The following DSC2 variants were observed in gnomAD, a reference collection of about 807,000 sequenced individuals.
DSC2 encodes desmocollin 2, also known as desmocollin-2.
Under a neutral mutation model 87.6 loss-of-function variants are expected in DSC2, and 51 were observed. That is an observed-to-expected ratio of 0.58 (90% CI 0.46 to 0.74). The LOEUF (loss-of-function observed/expected upper bound fraction) is 0.74, where lower values mean the gene tolerates loss of function less well. Ranked by LOEUF, DSC2 falls within the 30% of genes least tolerant of loss-of-function variation. The pLI is 0.00. For synonymous variants in DSC2, 383 were observed against 393.2 expected (o/e 0.97, Z 0.31); for missense variants, 1,066 against 1,089.5 (o/e 0.98, Z 0.30).
chr18:31,087,795 T>C lies in DSC2; in HGVS notation c.649A>G (p.Thr217Ala). ...AGTTCTGGAGTATACCCATCTGGAG[T>C]TGTTGCAAAGGCAATTATCTGTGAA... ...ESFEIIAFATTPDGYTPELPL... is the reference protein window; with the variant it reads ...ESFEIIAFATAPDGYTPELPL... Residue 217 changes from threonine to alanine, a missense_variant, in exon 6 of 16, where the codon ACT becomes GCT. Thr to Ala is a moderately conservative substitution (Grantham distance 58). Transcript: ENST00000280904. 1 of 1,613,814 alleles carries C rather than the reference T, an allele frequency of 6.2e-7. No individual in the cohort carries two copies. Among genetic ancestry groups the C allele is most frequent in the Non-Finnish European group, 8.5e-7 (1 of 1,179,854 alleles).
chr18:31,100,212 C>A (rs933894974), intron 1 of DSC2, among the ~76,000 whole-genome samples: 5 of 152,126 alleles, frequency 3.3e-5, no homozygotes, highest in Non-Finnish European at 7.3e-5. Flanking sequence ...CCACTCCCCG[C>A]CTATCAAACT....
chr18:31,068,304 ATTGT>A (rs775380312), intron 15 of DSC2, 92 bp from the exon 16 acceptor site: 20 of 1,613,490 alleles, frequency 1.2e-5, no homozygotes, highest in Non-Finnish European at 1.7e-5. Flanking sequence ...TTTACCTTTC[ATTGT>A]TTAATTTTTA....
chr18:31,090,630 A>G (rs932594891), intron 4 of DSC2, among the ~76,000 whole-genome samples: 1 of 152,184 alleles, frequency 6.6e-6, no homozygotes, highest in Non-Finnish European at 1.5e-5. Context: ...GTGATTTCAG[A>G]TGTAGATTCA....
intron 14 of DSC2, among the ~76,000 whole-genome samples, chr18:31,070,322 TC>T: frequency 6.6e-6 from 1 of 152,194 alleles, no homozygotes; most frequent in Non-Finnish European, 1.5e-5. Flanking sequence ...TTAAAGTTCT[TC>T]CCACGATGAT....
At chr18:31,098,228 A>T (rs1987823901) in intron 1 of DSC2, among the ~76,000 whole-genome samples, 1 of 152,186 alleles carries the variant, frequency 6.6e-6, no homozygotes, top group African/African-American at 2.4e-5. Flanking sequence ...GTGGGCTCCA[A>T]ATTTATATAA....
chr18:31,100,957 G>T (rs1987924852), intron 1 of DSC2, among the ~76,000 whole-genome samples: 1 of 152,148 alleles, frequency 6.6e-6, no homozygotes, highest in South Asian at 2.1e-4. Flanking sequence ...CATCGGTCAA[G>T]CCTGGGAAAG....
At position 31,059,797 on chromosome 18, in the gene DSC2, G is replaced by A. The variant is rs2144764350; in HGVS notation, c.*8218C>T. On this transcript the variant is annotated 3_prime_UTR_variant, in exon 16 of 16. Transcript: ENST00000280904. ...GTTTTAAAATACTACTATAGTTTAT[G>A]TCTTTTCCCATTTAATTAAAGTTTT... 6.6e-6 allele frequency: 1 copy of A among 152,254 alleles called. No individual in the cohort carries two copies. The highest frequency in any genetic ancestry group is 1.9e-4 in the East Asian group (1 of 5,176). The allele number at this position is 152,254 out of a possible 1,614,324, so 9.4% of individuals were successfully genotyped here.
chr18:31,088,537 A>G (rs2144835977), intron 5 of DSC2, among the ~76,000 whole-genome samples: 1 of 152,342 alleles, frequency 6.6e-6, no homozygotes, highest in East Asian at 1.9e-4. Context: ...TATTTGATTA[A>G]TTTGGTCTTC....
At chr18:31,084,860 T>C (rs1431884748) in intron 7 of DSC2, among the ~76,000 whole-genome samples, 1 of 152,098 alleles carries the variant, frequency 6.6e-6, no homozygotes, top group Non-Finnish European at 1.5e-5. Context: ...ACCAATGTGA[T>C]ATCAATGGAA....
In DSC2 at chr18:31,068,941, A is replaced by G; in HGVS notation, c.2461T>C (p.Tyr821His). The G allele has an allele frequency of 1.2e-6, 2 of 1,614,034 alleles. No homozygotes were observed. Among genetic ancestry groups the G allele is most frequent in the South Asian group, 2.2e-5 (2 of 91,070 alleles). ...AAACTGTGCCACTCCGAGTAAGTGT[A>G]TCTGCAGTTGTCCACCTCCGTGTGT... ...GGHTEVDNCR[Y>H]TYSEWHSFTQ... Residue 821 changes from tyrosine to histidine, a missense_variant, in exon 15 of 16, where the codon TAC becomes CAC. By Grantham distance (83) the Tyr-to-His change is moderately conservative. Coordinates refer to ENST00000280904, the MANE Select transcript of DSC2 (RefSeq NM_024422.6).
rs909802850 is a variant in DSC2 at position 31,062,986 on chromosome 18, C to A, written c.*5029G>T. ...TATGTGCTGAGAATAAAAAACCTAA[C>A]TTTTATTATTTCTCTTTTTTCCTTT... is the stretch of plus-strand genomic sequence containing the variant. On this transcript the variant is annotated 3_prime_UTR_variant, in exon 16 of 16. Coordinates refer to ENST00000280904, the MANE Select transcript of DSC2 (RefSeq NM_024422.6). 1.3e-5 allele frequency: 2 copies of A among 152,056 alleles called. No homozygotes were observed. The highest frequency in any genetic ancestry group is 4.8e-5 in the African/African-American group (2 of 41,372). 9.4% of individuals were successfully genotyped at this position (152,056 alleles called of 1,614,324 possible).
Position 31,085,527 on chromosome 18 carries a change from T to C in DSC2, c.942+1049A>G, listed in dbSNP as rs959552659. ...TAGTTTTAAACATTAACAAGTAACATAGATAAATATAACCTAGATAAATAA... is the reference window on the plus strand; with the variant it reads ...TAGTTTTAAACATTAACAAGTAACACAGATAAATATAACCTAGATAAATAA... On this transcript the variant is annotated intron_variant, in intron 7 of 15. Transcript: ENST00000280904. Among the ~76,000 whole-genome samples, 7 of 151,594 alleles carry C rather than the reference T, an allele frequency of 4.6e-5. 1 individual carries two copies. Among genetic ancestry groups the C allele is most frequent in the African/African-American group, 9.7e-5 (4 of 41,418 alleles).
chr18:31,101,032 T>C (rs1045069345), intron 1 of DSC2, among the ~76,000 whole-genome samples: 42 of 151,802 alleles, frequency 2.8e-4, no homozygotes, highest in Non-Finnish European at 1.3e-4. Context: ...GGTAGGGTCA[T>C]TGCTGTAGTG....
At chr18:31,073,053 C>T (rs1042501180) in intron 12 of DSC2, among the ~76,000 whole-genome samples, 3 of 152,090 alleles carry the variant, frequency 2.0e-5, no homozygotes, top group Admixed American at 6.6e-5. Flanking sequence ...GAAGAACCAG[C>T]GTTTTTGACA....
intron 4 of DSC2, among the ~76,000 whole-genome samples, chr18:31,090,364 T>C (rs932343234): frequency 1.3e-5 from 2 of 152,304 alleles, no homozygotes; most frequent in South Asian, 2.1e-4. Context: ...CTGAATGTAG[T>C]AGCCACCAGT....
intron 12 of DSC2, among the ~76,000 whole-genome samples, chr18:31,073,371 ACG>A (rs1011373945): frequency 7.3e-5 from 4 of 54,560 alleles, no homozygotes; most frequent in East Asian, 1.0e-3. Context: ...ATACACACAC[ACG>A]CACACACACA....
At chr18:31,074,512 G>A (rs567505043) in intron 12 of DSC2, among the ~76,000 whole-genome samples, 171 bp downstream of exon 12, 31 of 149,872 alleles carry the variant, frequency 2.1e-4, no homozygotes, top group African/African-American at 7.4e-4. Context: ...AGGGAATCTC[G>A]GCATAGGATT....
rs730880076 is a variant in DSC2 at position 31,070,779 on chromosome 18, C to T, written c.2197G>A (p.Ala733Thr). 2 of 1,613,984 alleles carry T rather than the reference C, an allele frequency of 1.2e-6. No individual in the cohort carries two copies. Among genetic ancestry groups the T allele is most frequent in the South Asian group, 2.2e-5 (2 of 91,088 alleles). Residue 733 changes from alanine to threonine, a missense_variant, in exon 14 of 16, where the codon GCC becomes ACC. Physicochemically the swap from Ala to Thr is moderately conservative, Grantham distance 58. Transcript: ENST00000280904. ...TTTGATACAATTAGGTTCTGCTGGG[C>T]TAAATCATCAGGAATTACTTTTGGT... is the stretch of plus-strand genomic sequence containing the variant. ...KQPKVIPDDL[A>T]QQNLIVSNTE...
At chr18:31,099,259 A>T (rs190838184) in intron 1 of DSC2, among the ~76,000 whole-genome samples, 48 of 152,054 alleles carry the variant, frequency 3.2e-4, no homozygotes, top group Non-Finnish European at 5.4e-4. Context: ...CCTAGAACAG[A>T]AAACCAAGAG....
Sources: allele counts gnomAD v4.1 joint callset (sites outside exome capture counted in the v4.1 genomes callset), GRCh38; gene constraint gnomAD v4.1.1; transcripts MANE v1.5; gene names NCBI Gene and HGNC (gene_info 2026-07-23, HGNC 2026-07-21).